FYB1: variants seen among roughly 807,000 people sequenced by gnomAD.
FYB1 encodes the protein FYN binding protein 1.
A neutral mutation model predicts 94.1 loss-of-function variants in FYB1; 41 were observed. The ratio of observed to expected loss-of-function variants is 0.44; its 90% CI spans 0.34 to 0.57. The LOEUF (loss-of-function observed/expected upper bound fraction) is 0.57. Among genes scored for constraint, FYB1 ranks in the 20% least tolerant of loss-of-function variants. The probability of loss-of-function intolerance (pLI) is 0.02; values close to 1 mark genes in which losing one functional copy is unlikely to be tolerated. For synonymous variants in FYB1, 367 were observed against 353.2 expected (o/e 1.04, Z -0.44); for missense variants, 1,050 against 976.8 (o/e 1.07, Z -1.00).
intron 2 of FYB1, among the ~76,000 whole-genome samples, chr5:39,161,800 A>G (rs1289636251): frequency 3.9e-5 from 6 of 152,214 alleles, no homozygotes; most frequent in Non-Finnish European, 8.8e-5. Context: ...TAGAATATAC[A>G]CATCACCTCA....
chr5:39,268,830 G>C (rs1579817718), intron 1 of FYB1, among the ~76,000 whole-genome samples: 1 of 150,572 alleles, frequency 6.6e-6, no homozygotes, highest in African/African-American at 2.4e-5. Context: ...CTCCCAAAGT[G>C]CTGGGATTAC....
intron 16 of FYB1, chr5:39,110,866 G>A: frequency 3.3e-6 from 1 of 301,838 alleles, no homozygotes; most frequent in South Asian, 2.9e-5. Flanking sequence ...TCAGATCCCA[G>A]CCAGCTATTG....
chr5:39,153,405 GC>G (rs780906005), intron 3 of FYB1, 42 bp downstream of exon 3: 1 of 1,602,666 alleles, frequency 6.2e-7, no homozygotes, highest in South Asian at 1.1e-5. Context: ...AAAATCTACG[GC>G]AAGAGACTAG....
chr5:39,194,821 G>T (rs1017510633), intron 2 of FYB1, among the ~76,000 whole-genome samples: 5 of 152,220 alleles, frequency 3.3e-5, no homozygotes, highest in African/African-American at 1.2e-4. Flanking sequence ...AATAGTAAGT[G>T]TGTTCCTCAG....
chr5:39,230,922 A>T (rs1197631615), intron 1 of FYB1, among the ~76,000 whole-genome samples: 4 of 151,786 alleles, frequency 2.6e-5, no homozygotes, highest in Non-Finnish European at 5.9e-5. Context: ...GAGTGAATGG[A>T]ATGACTGATT....
At chr5:39,173,509 T>A (rs1298881317) in intron 2 of FYB1, among the ~76,000 whole-genome samples, 3 of 152,162 alleles carry the variant, frequency 2.0e-5, no homozygotes, top group African/African-American at 4.8e-5. Flanking sequence ...ATCCATAAAT[T>A]ATTTACCAAA....
chr5:39,251,545 T>C (rs1751710050), intron 1 of FYB1, among the ~76,000 whole-genome samples: 1 of 151,992 alleles, frequency 6.6e-6, no homozygotes, highest in Non-Finnish European at 1.5e-5. Flanking sequence ...ACTTGAGTAG[T>C]TGGAAAAAAT....
intron 1 of FYB1, among the ~76,000 whole-genome samples, chr5:39,225,318 T>C (rs1162517102): frequency 6.6e-6 from 1 of 152,158 alleles, no homozygotes; most frequent in Non-Finnish European, 1.5e-5. Context: ...GAGTTTTAGG[T>C]TTTTATGTTA....
At position 39,149,856 on chromosome 5, in the gene FYB1, C is replaced by A. The variant is rs370152028; in HGVS notation, c.1292+3592G>T. Among the ~76,000 whole-genome samples, 16 of 152,252 alleles carry A rather than the reference C, an allele frequency of 1.1e-4. No individual in the cohort carries two copies. In the East Asian group the frequency reaches 2.9e-3, roughly 28 times the overall value. ...CAGGCCTCAGAGAGTTACAGTGCCC[C>A]AGAGCTCAGTTCCTTTCTTCTCTGT... On this transcript the variant is annotated intron_variant, in intron 3 of 18. Transcript: ENST00000512982.
intron 18 of FYB1, among the ~76,000 whole-genome samples, chr5:39,108,009 G>T (rs1244471254): frequency 6.6e-6 from 1 of 151,894 alleles, no homozygotes; most frequent in Non-Finnish European, 1.5e-5. Flanking sequence ...TTATACTTCT[G>T]TTTTCAAAGA....
chr5:39,241,890 A>G (rs1050471082), intron 1 of FYB1, among the ~76,000 whole-genome samples: 3 of 146,896 alleles, frequency 2.0e-5, no homozygotes, highest in Admixed American at 6.8e-5. Flanking sequence ...AGAATTTGTT[A>G]TTTAAGGTAC....
intron 16 of FYB1, among the ~76,000 whole-genome samples, chr5:39,117,785 A>G (rs1000734545): frequency 2.0e-5 from 3 of 152,188 alleles, no homozygotes; most frequent in African/African-American, 7.2e-5. Context: ...ATCCAGTTTC[A>G]AATATAAGAC....
intron 2 of FYB1, among the ~76,000 whole-genome samples, chr5:39,175,348 A>G (rs1300035817): frequency 6.6e-6 from 1 of 152,168 alleles, no homozygotes; most frequent in Admixed American, 6.5e-5. Context: ...CGGTTGATTG[A>G]TGACTCTGAT....
chr5:39,138,276 G>A (rs9986280), intron 6 of FYB1: 4,384 of 175,196 alleles, frequency 0.025, 218 homozygotes, highest in East Asian at 0.21. Flanking sequence ...ACCTCTGGGC[G>A]TCATGATAAA....
chr5:39,186,804 A>T (rs1475810834), intron 2 of FYB1, among the ~76,000 whole-genome samples: 1 of 151,950 alleles, frequency 6.6e-6, no homozygotes, highest in African/African-American at 2.4e-5. Flanking sequence ...GTCTTTCTTT[A>T]TGATGTACTA....
intron 10 of FYB1, among the ~76,000 whole-genome samples, chr5:39,128,927 A>G (rs977423396): frequency 6.6e-5 from 10 of 152,154 alleles, no homozygotes; most frequent in African/African-American, 2.4e-4. Flanking sequence ...AATTTAATGT[A>G]ATCTCTATCA....
chr5:39,233,062 G>T (rs944296182), intron 1 of FYB1, among the ~76,000 whole-genome samples: 9 of 152,024 alleles, frequency 5.9e-5, no homozygotes, highest in Non-Finnish European at 1.2e-4. Flanking sequence ...GCATGATTTA[G>T]AGTCCTTTGG....
At chr5:39,225,758 T>G (rs2150561974) in intron 1 of FYB1, among the ~76,000 whole-genome samples, 1 of 152,308 alleles carries the variant, frequency 6.6e-6, no homozygotes, top group South Asian at 2.1e-4. Context: ...TGAACACTCC[T>G]CCTGAGATAC....
intron 1 of FYB1, among the ~76,000 whole-genome samples, chr5:39,237,958 A>G (rs1751042346): frequency 6.6e-6 from 1 of 152,086 alleles, no homozygotes; most frequent in Non-Finnish European, 1.5e-5. Flanking sequence ...CCCTTGCTTT[A>G]GACAAAGATA....
Sources: gnomAD v4.1 joint callset for allele counts (sites outside exome capture counted in the v4.1 genomes callset) on GRCh38, gnomAD v4.1.1 for gene constraint, MANE v1.5 for transcripts, NCBI Gene and HGNC (gene_info 2026-07-23, HGNC 2026-07-21) for gene names.